DLG2: variants seen among roughly 807,000 people sequenced by gnomAD.
The protein encoded by DLG2 is disks large homolog 2.
A neutral mutation model predicts 132.5 loss-of-function variants in DLG2; 45 were observed. The observed-to-expected ratio is 0.34, with a 90% confidence interval of 0.27 to 0.44. The LOEUF (loss-of-function observed/expected upper bound fraction) is 0.44, where lower values mean the gene tolerates loss of function less well. Ranked by LOEUF, DLG2 falls within the 20% of genes least tolerant of loss-of-function variation. The pLI, the probability that DLG2 is intolerant of heterozygous loss-of-function variation, is 1.00. For missense variants in DLG2, 1,045 were observed against 1,196.9 expected, an observed-to-expected ratio of 0.87 and a Z score of 1.87; for synonymous variants, 424 against 419.6, an observed-to-expected ratio of 1.01 and a Z score of -0.13.
chr11:85,545,617 C>T (rs894869688), intron 3 of DLG2, among the ~76,000 whole-genome samples: 8 of 152,042 alleles, frequency 5.3e-5, no homozygotes, highest in Non-Finnish European at 1.2e-4. Flanking sequence ...CCATGTGGTC[C>T]TGGGCTTTTT....
chr11:84,862,104 T>C (rs1468031793), intron 6 of DLG2, among the ~76,000 whole-genome samples: 1 of 151,738 alleles, frequency 6.6e-6, no homozygotes, highest in African/African-American at 2.4e-5. Context: ...AGTTAGTGCG[T>C]GCAGCGCACC....
intron 3 of DLG2, among the ~76,000 whole-genome samples, chr11:85,586,592 T>C (rs970845529): frequency 1.4e-4 from 22 of 152,226 alleles, no homozygotes; most frequent in African/African-American, 5.3e-4. Flanking sequence ...TTGGATCTTC[T>C]CTCTTCCTTT....
chr11:85,272,168 A>T (rs1041779471), intron 4 of DLG2, among the ~76,000 whole-genome samples: 5 of 152,042 alleles, frequency 3.3e-5, no homozygotes, highest in African/African-American at 1.2e-4. Context: ...ACAAGACTTG[A>T]TGGTTTTATA....
chr11:84,630,315 T>C (rs1357673307), intron 6 of DLG2, among the ~76,000 whole-genome samples: 1 of 152,154 alleles, frequency 6.6e-6, no homozygotes, highest in Admixed American at 6.5e-5. Flanking sequence ...GGGACATTTC[T>C]CCACCCCTGT....
intron 17 of DLG2, among the ~76,000 whole-genome samples, chr11:83,788,652 C>T (rs1470019955): frequency 1.3e-5 from 2 of 152,208 alleles, no homozygotes; most frequent in Non-Finnish European, 2.9e-5. Context: ...CAGGCTACTG[C>T]CTACAGGAGG....
At chr11:84,493,351 C>T (rs1346891) in intron 7 of DLG2, among the ~76,000 whole-genome samples, 3,808 of 152,194 alleles carry the variant, frequency 0.025, 71 homozygotes, top group Non-Finnish European at 0.038. Context: ...TCAGTCTCTG[C>T]TTATCTAAAT....
At chr11:84,707,748 T>C (rs2059932253) in intron 6 of DLG2, among the ~76,000 whole-genome samples, 1 of 151,812 alleles carries the variant, frequency 6.6e-6, no homozygotes, top group Admixed American at 6.6e-5. Context: ...AGCTGAGCCC[T>C]CTGTACTATG....
At chr11:83,481,485 T>A (rs796562977) in intron 22 of DLG2, among the ~76,000 whole-genome samples, 2 of 152,090 alleles carry the variant, frequency 1.3e-5, no homozygotes, top group African/African-American at 4.8e-5. Context: ...AAATAATATA[T>A]AAAATTATTC....
chr11:83,680,691 T>C (rs2078630876), intron 18 of DLG2, among the ~76,000 whole-genome samples: 1 of 152,158 alleles, frequency 6.6e-6, no homozygotes, highest in Non-Finnish European at 1.5e-5. Context: ...AAGCTATTTA[T>C]GGACAAAAGA....
intron 3 of DLG2, among the ~76,000 whole-genome samples, chr11:85,377,799 ATATATGTG>A (rs2085529368): frequency 1.1e-5 from 1 of 93,250 alleles, no homozygotes; most frequent in African/African-American, 3.7e-5. Context: ...ATATATATAT[ATATATGTG>A]TGTGTGTGTG....
At chr11:84,792,701 A>G (rs1348563666) in intron 6 of DLG2, among the ~76,000 whole-genome samples, 1 of 152,116 alleles carries the variant, frequency 6.6e-6, no homozygotes, top group African/African-American at 2.4e-5. Flanking sequence ...TTACCAGTTT[A>G]TTGACATATA....
intron 19 of DLG2, among the ~76,000 whole-genome samples, chr11:83,609,055 T>C (rs1441865770): frequency 1.3e-5 from 2 of 152,160 alleles, no homozygotes; most frequent in African/African-American, 2.4e-5. Flanking sequence ...GAAACCTTGA[T>C]AGTTTCATAT....
chr11:85,197,168 T>C (rs1259679642), intron 4 of DLG2, among the ~76,000 whole-genome samples: 1 of 152,148 alleles, frequency 6.6e-6, no homozygotes, highest in Admixed American at 6.5e-5. Context: ...TGGCAGACCT[T>C]TCTACGATGT....
rs1388341785 is a variant in DLG2, at chr11:84,218,214, GGAAA to G, written c.573+33020_573+33023del. Among the ~76,000 whole-genome samples, 6 of 143,190 alleles carry G rather than the reference GGAAA, an allele frequency of 4.2e-5. No homozygotes were observed. In the South Asian group the frequency reaches 1.3e-3, roughly 32 times the overall value. The allele number at this position is 143,190 out of a possible 152,430, so 93.9% of individuals were successfully genotyped here. The stretch of plus-strand genomic sequence containing the variant: ...ACAAAGAAGGAAAGGAAGGAAGGAA[GGAAA>G]GAAAGGAAGGAAGGAAGGAAAGGAA... On this transcript the variant is annotated intron_variant, in intron 8 of 27. Transcript: ENST00000376104.
intron 14 of DLG2, among the ~76,000 whole-genome samples, chr11:83,954,989 C>T (rs561454706): frequency 2.7e-4 from 41 of 152,100 alleles, no homozygotes; most frequent in South Asian, 1.0e-3. Flanking sequence ...TGAGCAGCTG[C>T]GTAATATTGT....
At chr11:84,308,016 C>G (rs893457966) in intron 7 of DLG2, among the ~76,000 whole-genome samples, 1 of 152,160 alleles carries the variant, frequency 6.6e-6, no homozygotes, top group Admixed American at 6.5e-5. Context: ...AAAGAGTGAG[C>G]AGCAGCAAGA....
intron 6 of DLG2, among the ~76,000 whole-genome samples, chr11:84,624,018 T>C (rs928953902): frequency 6.6e-6 from 1 of 152,216 alleles, no homozygotes; most frequent in Non-Finnish European, 1.5e-5. Flanking sequence ...AGGGATTATT[T>C]ACTGAGATGC....
At chr11:85,296,748 C>G (rs781694209) in intron 3 of DLG2, among the ~76,000 whole-genome samples, 1 of 151,128 alleles carries the variant, frequency 6.6e-6, no homozygotes, top group African/African-American at 2.4e-5. Flanking sequence ...CAGCTGATGG[C>G]TAATCTCAAA....
intron 4 of DLG2, among the ~76,000 whole-genome samples, chr11:85,258,758 T>C (rs72947999): frequency 0.055 from 8,327 of 152,182 alleles, 343 homozygotes; most frequent in African/African-American, 0.11. Context: ...GAGTTAACAA[T>C]AGGACAGAAG....
Sources: gnomAD v4.1 joint callset for allele counts (sites outside exome capture counted in the v4.1 genomes callset) on GRCh38, gnomAD v4.1.1 for gene constraint, MANE v1.5 for transcripts, NCBI Gene and HGNC (gene_info 2026-07-23, HGNC 2026-07-21) for gene names.